Variants in TULP4 observed in about 807,000 individuals in gnomAD.
The protein encoded by TULP4 is tubby-related protein 4.
Under a neutral mutation model 129.0 loss-of-function variants are expected in TULP4, and 16 were observed. The observed-to-expected ratio is 0.12, with a 90% CI of 0.08 to 0.19. The LOEUF is 0.19. TULP4 is among the 10% of genes least tolerant of loss of function. The pLI is 1.00. For missense variants in TULP4, 1,842 were observed against 2,059.1 expected (o/e 0.89, Z 2.04); for synonymous variants, 998 against 854.0 (o/e 1.17, Z -2.94).
intron 1 of TULP4, among the ~76,000 whole-genome samples, chr6:158,359,525 G>C (rs1562533984): frequency 6.6e-6 from 1 of 152,144 alleles, no homozygotes. Flanking sequence ...CGTCCAGCAC[G>C]GGAGAAAGAT....
chr6:158,348,353 T>G (rs1244049325), intron 1 of TULP4, among the ~76,000 whole-genome samples: 1 of 151,984 alleles, frequency 6.6e-6, no homozygotes, highest in African/African-American at 2.4e-5. Flanking sequence ...CCCTGGGTAC[T>G]TGAGATTAGG....
intron 1 of TULP4, among the ~76,000 whole-genome samples, chr6:158,241,305 G>C (rs1177653536): frequency 7.9e-6 from 1 of 126,518 alleles, no homozygotes; most frequent in Non-Finnish European, 1.8e-5. Flanking sequence ...CCAGATGATG[G>C]GCGGCCAGGC....
At chr6:158,248,835 G>A (rs1172743670) in intron 1 of TULP4, among the ~76,000 whole-genome samples, 1 of 152,112 alleles carries the variant, frequency 6.6e-6, no homozygotes, top group Non-Finnish European at 1.5e-5. Context: ...AAGAGGTTGG[G>A]TTGCTCAGGC....
At chr6:158,399,065 C>G (rs938900755) in intron 1 of TULP4, among the ~76,000 whole-genome samples, 3 of 152,170 alleles carry the variant, frequency 2.0e-5, no homozygotes, top group African/African-American at 4.8e-5. Context: ...AAAATAGATG[C>G]TTTTCTCTGC....
chr6:158,419,704 G>A (rs1408005353), intron 2 of TULP4, among the ~76,000 whole-genome samples: 1 of 152,186 alleles, frequency 6.6e-6, no homozygotes, highest in African/African-American at 2.4e-5. Flanking sequence ...AGATAAAGTA[G>A]ATTTGAAGAC....
At chr6:158,474,645 C>T (rs1779774410) in intron 6 of TULP4, among the ~76,000 whole-genome samples, 1 of 152,140 alleles carries the variant, frequency 6.6e-6, no homozygotes. Flanking sequence ...CACTACCTCA[C>T]GTTATCAGGT....
intron 1 of TULP4, among the ~76,000 whole-genome samples, chr6:158,320,611 T>C (rs1478124712): frequency 1.3e-5 from 2 of 152,078 alleles, no homozygotes; most frequent in African/African-American, 2.4e-5. Flanking sequence ...TTTGTATTTT[T>C]AGTAGAAACG....
chr6:158,493,606 G>C lies in TULP4; in HGVS notation c.1665G>C (p.Leu555=). The C allele has an allele frequency of 6.3e-7, 1 of 1,579,710 alleles. No individual in the cohort carries two copies. The highest frequency in any genetic ancestry group is 8.6e-7 in the Non-Finnish European group (1 of 1,163,272). Residue 555 remains leucine (L), a synonymous_variant, in exon 10 of 14, where the codon CTG becomes CTC. Transcript: ENST00000367097. This position sits in a 1 kb window ranked among gnomAD's most constrained non-coding sequence, Gnocchi z 4.4. ...ISIEARKSPK[L]PRAAQELSRS... Reference sequence around the variant, plus strand: ...TTGAGGCCCGCAAGTCACCCAAGCTGCCCCGGGCTGCTCAGGAGCTCTCCC... The same window carrying C: ...TTGAGGCCCGCAAGTCACCCAAGCTCCCCCGGGCTGCTCAGGAGCTCTCCC...
In TULP4 at chr6:158,377,967, TCTGGTCAG is replaced by T. The variant is rs1777231195; in HGVS notation, c.253-35094_253-35087del. 2.0e-5 allele frequency among the ~76,000 whole-genome samples: 3 copies of T among 151,462 alleles called. No homozygotes were observed. In the South Asian group the frequency reaches 6.2e-4, roughly 31 times the overall value. On this transcript the variant is annotated intron_variant, in intron 1 of 13. Coordinates refer to ENST00000367097, the MANE Select transcript of TULP4 (RefSeq NM_020245.5). ...ACTCTCAGCTAGACTCAGTTATGTGTCTGGTCAGCTGCATTCAGCAAAACAGTTCTTCT... is the reference window on the plus strand; with the variant it reads ...ACTCTCAGCTAGACTCAGTTATGTGTCTGCATTCAGCAAAACAGTTCTTCT...
intron 1 of TULP4, among the ~76,000 whole-genome samples, chr6:158,245,511 G>T (rs981768577): frequency 6.6e-6 from 1 of 152,026 alleles, no homozygotes; most frequent in Non-Finnish European, 1.5e-5. Flanking sequence ...AGACATTGAT[G>T]CACTCAGTCC....
intron 1 of TULP4, among the ~76,000 whole-genome samples, chr6:158,292,231 G>A (rs79022345): frequency 6.6e-6 from 1 of 152,164 alleles, no homozygotes; most frequent in African/African-American, 2.4e-5. Flanking sequence ...CCAAAGTCTC[G>A]ATATCTGATA....
chr6:158,407,625 C>T (rs561988035), intron 1 of TULP4, among the ~76,000 whole-genome samples: 1 of 152,050 alleles, frequency 6.6e-6, no homozygotes, highest in Admixed American at 6.5e-5. Context: ...AATGTGGTCT[C>T]TCAATACAAT....
At chr6:158,490,832 T>C (rs948852839) in intron 9 of TULP4, among the ~76,000 whole-genome samples, 1 of 151,992 alleles carries the variant, frequency 6.6e-6, no homozygotes, top group Non-Finnish European at 1.5e-5. Context: ...AGAGTCATCA[T>C]GTTGTTGCAT....
intron 3 of TULP4, among the ~76,000 whole-genome samples, chr6:158,447,224 C>T (rs1779070148): frequency 6.6e-6 from 1 of 152,176 alleles, no homozygotes; most frequent in Admixed American, 6.5e-5. Flanking sequence ...GACCCATGCT[C>T]CGGTGTCTTG....
intron 2 of TULP4, among the ~76,000 whole-genome samples, chr6:158,415,375 A>T (rs955862721): frequency 2.3e-5 from 3 of 129,748 alleles, no homozygotes; most frequent in Non-Finnish European, 3.2e-5. Context: ...TTTGAGACGG[A>T]GTCACGCTCT....
intron 3 of TULP4, among the ~76,000 whole-genome samples, chr6:158,445,155 G>A (rs341128): frequency 0.41 from 62,265 of 151,982 alleles, 13,867 homozygotes; most frequent in African/African-American, 0.6. Flanking sequence ...TATATACAAG[G>A]CTGCAAAGTA....
intron 1 of TULP4, among the ~76,000 whole-genome samples, chr6:158,350,528 C>G (rs893145196): frequency 2.0e-5 from 3 of 152,094 alleles, no homozygotes; most frequent in Non-Finnish European, 4.4e-5. Flanking sequence ...AGCTGGAGAC[C>G]AGCCCGGTCA....
intron 5 of TULP4, among the ~76,000 whole-genome samples, chr6:158,454,765 C>G (rs888138574): frequency 3.3e-5 from 5 of 152,128 alleles, no homozygotes; most frequent in African/African-American, 1.2e-4. Flanking sequence ...GCCACCACGC[C>G]TGGCTAATTT....
Position 158,511,193 on chromosome 6 carries a change from C to T in TULP4, c.*4499C>T, listed in dbSNP as rs1780732681. 6.6e-6 allele frequency: 1 copy of T among 152,362 alleles called. No individual in the cohort carries two copies. The highest frequency in any genetic ancestry group is 2.1e-4 in the South Asian group (1 of 4,820). 9.4% of individuals were successfully genotyped at this position (152,362 alleles called of 1,614,324 possible). On this transcript the variant is annotated 3_prime_UTR_variant, in exon 14 of 14. Coordinates refer to ENST00000367097, the MANE Select transcript of TULP4 (RefSeq NM_020245.5). ...TCTTTTTAAGGGGAGGGGTAGGGTT[C>T]TAAGATCTTGTTGTTTATTGTAGAT...
Sources: gnomAD v4.1 joint callset for allele counts (sites outside exome capture counted in the v4.1 genomes callset) on GRCh38, gnomAD v4.1.1 for gene constraint, Gnocchi (gnomAD v3.1) non-coding constraint, MANE v1.5 for transcripts, NCBI Gene and HGNC (gene_info 2026-07-23, HGNC 2026-07-21) for gene names.